METTL15: variants seen among roughly 807,000 people sequenced by gnomAD.
The protein encoded by METTL15 is methyltransferase 15, mitochondrial 12S rRNA N4-cytidine.
A neutral mutation model predicts 38.3 loss-of-function variants in METTL15; 34 were observed. The observed-to-expected ratio is 0.89, with a 90% confidence interval of 0.68 to 1.18. The LOEUF (loss-of-function observed/expected upper bound fraction) is 1.18. METTL15 is among the 50% of genes most tolerant of loss of function. METTL15 has a pLI of 0.00. For missense variants in METTL15, 438 were observed against 498.4 expected, an observed-to-expected ratio of 0.88 and a Z score of 1.15; for synonymous variants, 162 against 170.9, an observed-to-expected ratio of 0.95 and a Z score of 0.41.
chr11:28,359,270 T>C (rs191658830), intron 4 of METTL15, among the ~76,000 whole-genome samples: 13 of 152,340 alleles, frequency 8.5e-5, no homozygotes, highest in Non-Finnish European at 1.6e-4. Context: ...AATGTCATTA[T>C]TTTTATGGCT....
At chr11:28,256,848 A>G (rs1347201445) in intron 4 of METTL15, among the ~76,000 whole-genome samples, 1 of 151,802 alleles carries the variant, frequency 6.6e-6, no homozygotes, top group Non-Finnish European at 1.5e-5. Flanking sequence ...CAGCTGTAAA[A>G]TTCCCTCTTA....
intron 6 of METTL15, among the ~76,000 whole-genome samples, chr11:28,521,297 G>A (rs1376221342): frequency 6.6e-6 from 1 of 152,138 alleles, no homozygotes. Context: ...ACATGTCAGG[G>A]CCTGTCCGAA....
chr11:28,360,349 G>T (rs913867737), intron 4 of METTL15, among the ~76,000 whole-genome samples: 1 of 152,098 alleles, frequency 6.6e-6, no homozygotes. Flanking sequence ...TTAAAAACAG[G>T]GCCCAAGATG....
At chr11:28,421,582 C>A (rs1295672276) in intron 5 of METTL15, among the ~76,000 whole-genome samples, 1 of 151,838 alleles carries the variant, frequency 6.6e-6, no homozygotes, top group African/African-American at 2.4e-5. Context: ...TGTCATATGG[C>A]ATATCAACAG....
intron 5 of METTL15, among the ~76,000 whole-genome samples, chr11:28,292,720 G>T (rs922695801): frequency 1.4e-4 from 22 of 152,224 alleles, no homozygotes; most frequent in African/African-American, 5.1e-4. Flanking sequence ...TCCAGCGCCT[G>T]TTGTTTCCTG....
chr11:28,226,526 A>T (rs180723660), intron 4 of METTL15, among the ~76,000 whole-genome samples: 1 of 152,048 alleles, frequency 6.6e-6, no homozygotes, highest in East Asian at 1.9e-4. Flanking sequence ...ATTTTCTAGC[A>T]CTTGAAGTTT....
intron 6 of METTL15, among the ~76,000 whole-genome samples, chr11:28,429,514 C>G (rs960425654): frequency 2.0e-4 from 25 of 126,334 alleles, no homozygotes; most frequent in African/African-American, 7.6e-4. Context: ...ATTGCAGGCA[C>G]GCGCCGCCAC....
At chr11:28,214,153 C>T (rs912332247) in intron 4 of METTL15, among the ~76,000 whole-genome samples, 5 of 152,034 alleles carry the variant, frequency 3.3e-5, no homozygotes, top group Non-Finnish European at 5.9e-5. Flanking sequence ...AGTGACCCTT[C>T]TGCCTCAGCC....
intron 3 of METTL15, among the ~76,000 whole-genome samples, chr11:28,174,765 A>G (rs1429209633): frequency 6.7e-6 from 1 of 149,680 alleles, no homozygotes; most frequent in Non-Finnish European, 1.5e-5. Context: ...CAGTGAGAAG[A>G]GATTGCGCCA....
At chr11:28,477,782 A>T (rs1178220250) in intron 6 of METTL15, among the ~76,000 whole-genome samples, 1 of 152,140 alleles carries the variant, frequency 6.6e-6, no homozygotes, top group African/African-American at 2.4e-5. Flanking sequence ...TGTTTTTAAT[A>T]TTCATCTTGA....
At chr11:28,303,767 T>G (rs753157193) in intron 6 of METTL15, among the ~76,000 whole-genome samples, 4 of 152,124 alleles carry the variant, frequency 2.6e-5, no homozygotes, top group Non-Finnish European at 2.9e-5. Flanking sequence ...AGTTCTTAGG[T>G]GTTACTGAGG....
chr11:28,326,955 A>G (rs905153545), intron 6 of METTL15, among the ~76,000 whole-genome samples: 2 of 148,732 alleles, frequency 1.3e-5, no homozygotes, highest in African/African-American at 2.5e-5. Flanking sequence ...ATGCTATTTT[A>G]TATTCTTTTG....
At chr11:28,241,208 T>C (rs1854278020) in intron 4 of METTL15, among the ~76,000 whole-genome samples, 1 of 152,138 alleles carries the variant, frequency 6.6e-6, no homozygotes, top group Admixed American at 6.5e-5. Flanking sequence ...GTAAGTTTTC[T>C]AGTATGTTAA....
chr11:28,300,453 A>C (rs1457722396), intron 6 of METTL15, among the ~76,000 whole-genome samples: 1 of 152,172 alleles, frequency 6.6e-6, no homozygotes, highest in Non-Finnish European at 1.5e-5. Flanking sequence ...TAAGCTGTTA[A>C]TTGTAAAATC....
At chr11:28,113,740 A>C in intron 3 of METTL15, 136 bp downstream of exon 3, 3 of 862,132 alleles carry the variant, frequency 3.5e-6, no homozygotes, top group Non-Finnish European at 5.3e-6. Flanking sequence ...GTTGATGCGA[A>C]AGTGATACAC....
intron 6 of METTL15, among the ~76,000 whole-genome samples, chr11:28,479,440 T>C (rs1851376927): frequency 6.6e-6 from 1 of 152,156 alleles, no homozygotes; most frequent in African/African-American, 2.4e-5. Context: ...ATTGGCTTTT[T>C]TTTCTGTAAG....
At chr11:28,356,238 A>G (rs1235737160) in intron 4 of METTL15, among the ~76,000 whole-genome samples, 1 of 152,084 alleles carries the variant, frequency 6.6e-6, no homozygotes, top group Non-Finnish European at 1.5e-5. Context: ...TATTTTGTCC[A>G]TTTATGTATT....
At chr11:28,236,258 C>A (rs1038334096) in intron 4 of METTL15, among the ~76,000 whole-genome samples, 1 of 152,106 alleles carries the variant, frequency 6.6e-6, no homozygotes, top group Non-Finnish European at 1.5e-5. Context: ...GGATATTGGT[C>A]TAAAATTCTC....
At chr11:28,379,208 G>C (rs564882937) in intron 5 of METTL15, among the ~76,000 whole-genome samples, 234 of 151,778 alleles carry the variant, frequency 1.5e-3, no homozygotes, top group African/African-American at 5.6e-3. Flanking sequence ...TCTAAATTAT[G>C]TTTAATTCTG....
Sources: gnomAD v4.1 joint callset for allele counts (sites outside exome capture counted in the v4.1 genomes callset) on GRCh38, gnomAD v4.1.1 for gene constraint, MANE v1.5 for transcripts, NCBI Gene and HGNC (gene_info 2026-07-23, HGNC 2026-07-21) for gene names.